The following ESRRG variants were observed in gnomAD, a reference collection of about 807,000 sequenced individuals.
ESRRG encodes estrogen-related receptor gamma.
Under a neutral mutation model 44.0 loss-of-function variants are expected in ESRRG, and 13 were observed. The observed-to-expected ratio is 0.30, with a 90% CI of 0.19 to 0.47. The LOEUF is 0.47. Ranked by LOEUF, ESRRG falls within the 20% of genes least tolerant of loss-of-function variation. The pLI is 1.00. For synonymous variants in ESRRG, 215 were observed against 214.6 expected, an observed-to-expected ratio of 1.00 and a Z score of -0.02; for missense variants, 395 against 580.6, an observed-to-expected ratio of 0.68 and a Z score of 3.29.
chr1:216,576,916 C>T (rs1283894964), intron 3 of ESRRG, among the ~76,000 whole-genome samples: 1 of 151,966 alleles, frequency 6.6e-6, no homozygotes, highest in African/African-American at 2.4e-5. Flanking sequence ...GGCAAGACAG[C>T]CCTGAGCCTT....
At chr1:216,897,610 C>T (rs1473977506) in intron 2 of ESRRG, among the ~76,000 whole-genome samples, 1 of 152,120 alleles carries the variant, frequency 6.6e-6, no homozygotes, top group Non-Finnish European at 1.5e-5. Flanking sequence ...AGCAAGGGAG[C>T]AAAGGAGAGC....
chr1:216,973,718 C>A (rs1260205346), intron 1 of ESRRG, among the ~76,000 whole-genome samples: 1 of 151,512 alleles, frequency 6.6e-6, no homozygotes, highest in Non-Finnish European at 1.5e-5. Flanking sequence ...CCCAGCTACT[C>A]GGGAGGCTGA....
Position 216,677,119 on chromosome 1 carries a change from T to C in ESRRG, c.429A>G (p.Ala143=), listed in dbSNP as rs76399958. Residue 143 remains alanine (A), a synonymous_variant, in exon 2 of 7, where the codon GCA becomes GCG. Transcript: ENST00000408911. The stretch of plus-strand genomic sequence containing the variant: ...AGAATGCCTTGCAGGCTTCACATGA[T>C]GCTACCCCATAGTGGTACCCAGAAG... ...DIASGYHYGV[A]SCEACKAFFK... The C allele has an allele frequency of 1.0e-3, 1,673 of 1,614,108 alleles. 16 individuals carry two copies. The African/African-American group carries it at 0.019, about 18-fold the overall frequency.
intron 2 of ESRRG, among the ~76,000 whole-genome samples, chr1:216,741,049 T>TC (rs1376504785): frequency 6.6e-6 from 1 of 151,260 alleles, no homozygotes; most frequent in Admixed American, 6.6e-5. Flanking sequence ...GTTATCACAG[T>TC]CCCCCCTCTC....
intron 1 of ESRRG, among the ~76,000 whole-genome samples, chr1:217,121,178 G>A (rs1378789722): frequency 6.6e-6 from 1 of 151,758 alleles, no homozygotes; most frequent in African/African-American, 2.4e-5. Context: ...AGGAACACAT[G>A]AGCAGATACA....
intron 2 of ESRRG, among the ~76,000 whole-genome samples, chr1:216,821,853 T>A (rs914733427): frequency 1.3e-5 from 2 of 151,950 alleles, no homozygotes; most frequent in African/African-American, 4.8e-5. Flanking sequence ...TATTTTCTGG[T>A]GGATAGTATT....
intron 1 of ESRRG, among the ~76,000 whole-genome samples, chr1:217,135,367 T>G (rs1174304985): frequency 1.3e-5 from 2 of 151,828 alleles, no homozygotes; most frequent in African/African-American, 4.8e-5. Context: ...CAGCTGGAAG[T>G]TGAGGGTAGG....
intron 2 of ESRRG, among the ~76,000 whole-genome samples, chr1:216,871,220 CCT>C (rs998394504): frequency 1.3e-5 from 2 of 151,868 alleles, no homozygotes; most frequent in Admixed American, 1.3e-4. Context: ...TTTCTAATCC[CCT>C]GAGACTTCAT....
intron 1 of ESRRG, among the ~76,000 whole-genome samples, chr1:216,963,008 C>A (rs1449945861): frequency 6.6e-6 from 1 of 152,126 alleles, no homozygotes; most frequent in East Asian, 1.9e-4. Context: ...GCCATATGAC[C>A]CTGAACAAGT....
intron 1 of ESRRG, among the ~76,000 whole-genome samples, chr1:217,034,210 G>A (rs1448687738): frequency 2.0e-5 from 3 of 152,130 alleles, no homozygotes; most frequent in Non-Finnish European, 4.4e-5. Flanking sequence ...TAATGTCTAT[G>A]AGATTTTGCA....
intron 1 of ESRRG, among the ~76,000 whole-genome samples, chr1:216,687,515 C>G (rs762589493): frequency 2.0e-5 from 3 of 152,064 alleles, no homozygotes; most frequent in Admixed American, 6.6e-5. Flanking sequence ...CTTGATATGT[C>G]GGAAGCCCAA....
intron 1 of ESRRG, among the ~76,000 whole-genome samples, chr1:217,130,893 C>CT (rs5780969): frequency 0.44 from 66,692 of 151,598 alleles, 15,242 homozygotes; most frequent in African/African-American, 0.56. Context: ...CTTTTATTGT[C>CT]TTTTTTTTAA....
intron 2 of ESRRG, among the ~76,000 whole-genome samples, chr1:216,822,013 T>C (rs2095308848): frequency 6.6e-6 from 1 of 152,068 alleles, no homozygotes; most frequent in Non-Finnish European, 1.5e-5. Context: ...GGGTTAGATC[T>C]TTGTCACAAA....
At chr1:216,798,990 C>T (rs569215831) in intron 2 of ESRRG, among the ~76,000 whole-genome samples, 1 of 152,096 alleles carries the variant, frequency 6.6e-6, no homozygotes, top group South Asian at 2.1e-4. Flanking sequence ...AATCCCCTCA[C>T]TGACAAAATG....
chr1:216,926,527 C>A (rs560515314), intron 2 of ESRRG, among the ~76,000 whole-genome samples: 2 of 151,782 alleles, frequency 1.3e-5, no homozygotes, highest in Admixed American at 1.3e-4. Flanking sequence ...GGCAGAGGAG[C>A]GAAGGGGAAA....
chr1:216,979,555 C>A (rs1487739715), intron 1 of ESRRG, among the ~76,000 whole-genome samples: 1 of 152,180 alleles, frequency 6.6e-6, no homozygotes, highest in South Asian at 2.1e-4. Context: ...AGTGGAATCA[C>A]AACATCTGAT....
intron 1 of ESRRG, among the ~76,000 whole-genome samples, chr1:217,018,595 T>C (rs2079804117): frequency 6.6e-6 from 1 of 152,166 alleles, no homozygotes; most frequent in South Asian, 2.1e-4. Flanking sequence ...CCAAATGACT[T>C]GCATTTGTGA....
At position 216,891,513 on chromosome 1, in the gene ESRRG, C is replaced by T. The variant is rs569105772; in HGVS notation, c.-14+48069G>A. Among the ~76,000 whole-genome samples the T allele has an allele frequency of 2.6e-5, 4 of 152,338 alleles. 1 individual carries two copies. Among genetic ancestry groups the T allele is most frequent in the Admixed American group, 1.3e-4 (2 of 15,302 alleles). Reference sequence around the variant, plus strand: ...ACACACGTACATATTAGGTGGCTCACTTATGATCTGGAAGAATAAGCCTGC... The same window carrying T: ...ACACACGTACATATTAGGTGGCTCATTTATGATCTGGAAGAATAAGCCTGC... On this transcript the variant is annotated intron_variant, in intron 2 of 7. Coordinates refer to the ESRRG transcript ENST00000359162.
intron 1 of ESRRG, among the ~76,000 whole-genome samples, chr1:216,682,741 T>TGTGTGTGTGTGTGTG (rs1553496190): frequency 6.0e-5 from 9 of 151,214 alleles, no homozygotes; most frequent in South Asian, 2.1e-4. Flanking sequence ...TGTGTGTGTG[T>TGTGTGTGTGTGTGTG]TTTATGCTTT....
Sources: allele counts gnomAD v4.1 joint callset (sites outside exome capture counted in the v4.1 genomes callset), GRCh38; gene constraint gnomAD v4.1.1; transcripts MANE v1.5; gene names NCBI Gene and HGNC (gene_info 2026-07-23, HGNC 2026-07-21).